SIRT3: variants seen among roughly 807,000 people sequenced by gnomAD.
SIRT3 encodes the protein NAD-dependent protein deacetylase sirtuin-3, mitochondrial.
In SIRT3, 26 loss-of-function variants were observed where a neutral mutation model predicts 33.5. The ratio of observed to expected loss-of-function variants is 0.78; its 90% confidence interval spans 0.57 to 1.08. The LOEUF is 1.08. SIRT3 is among the 50% of genes least tolerant of loss of function. The pLI is 0.00. For missense variants in SIRT3, 585 were observed against 530.1 expected, an observed-to-expected ratio of 1.10 and a Z score of -1.02; for synonymous variants, 237 against 222.1, an observed-to-expected ratio of 1.07 and a Z score of -0.60.
At chr11:230,070 G>A (rs762713636) in intron 4 of SIRT3, among the ~76,000 whole-genome samples, 5 of 152,032 alleles carry the variant, frequency 3.3e-5, no homozygotes, top group Non-Finnish European at 7.4e-5. Context: ...TCTGATTGCC[G>A]GGCGTGGTGG....
rs1264712159 is a variant in SIRT3 at position 236,219 on chromosome 11, C to G, written c.110G>C (p.Arg37Pro). Residue 37 changes from arginine (R) to proline (P), a missense_variant, in exon 1 of 7, where the codon CGG becomes CCG. Arg to Pro is a moderately radical substitution (Grantham distance 103). Coordinates refer to ENST00000382743, the MANE Select transcript of SIRT3 (RefSeq NM_012239.6). Reference protein sequence around the residue: ...GVGPFQACGCRLVLGGRDDVS... With the variant: ...GVGPFQACGCPLVLGGRDDVS... ...ATCGTCCCTGCCGCCAAGCACCAGC[C>G]GACAGCCGCAGGCCTGAAACGGCCC... The G allele has an allele frequency of 6.4e-7, 1 of 1,559,412 alleles. No homozygotes were observed. The highest frequency in any genetic ancestry group is 1.9e-5 in the Admixed American group (1 of 53,768).
At chr11:218,685 G>C (rs990165925) in intron 6 of SIRT3, 147 bp downstream of exon 6, 2 of 1,419,072 alleles carry the variant, frequency 1.4e-6, no homozygotes, top group East Asian at 4.9e-5. Flanking sequence ...CACCCAGTCA[G>C]GTCCAGGTAG....
intron 1 of SIRT3, among the ~76,000 whole-genome samples, chr11:235,300 G>A (rs1134500): frequency 0.16 from 23,745 of 151,986 alleles, 2,338 homozygotes; most frequent in Middle Eastern, 0.22. Flanking sequence ...TGAACTCCTG[G>A]ACTCAAGGGA....
intron 4 of SIRT3, among the ~76,000 whole-genome samples, chr11:225,376 C>T (rs1857036318): frequency 6.6e-6 from 1 of 152,110 alleles, no homozygotes; most frequent in Admixed American, 6.6e-5. Context: ...TGCACCACTG[C>T]ACTCCAGCCT....
chr11:216,569 T>G lies in SIRT3; in HGVS notation c.*129A>C. ...CTGAGAAGACATTCCAGTGGCAGCC[T>G]CGGGTGTCCACTCAGTTCACATATT... is the stretch of plus-strand genomic sequence containing the variant. On this transcript the variant is annotated 3_prime_UTR_variant, in exon 7 of 7. Transcript: ENST00000382743. 9.9e-7 allele frequency: 1 copy of G among 1,006,246 alleles called. No individual in the cohort carries two copies. The highest frequency in any genetic ancestry group is 1.4e-5 in the South Asian group (1 of 70,584). 62.3% of individuals were successfully genotyped at this position (1,006,246 alleles called of 1,614,324 possible).
upstream of SIRT3, chr11:236,373 G>GCGCCCCGCCCGCGC (rs767115561): frequency 0.017 from 20,579 of 1,182,416 alleles, 230 homozygotes; most frequent in Non-Finnish European, 0.02. Context: ...CCCGCCCCCG[G>GCGCCCCGCCCGCGC]CGCCCCGGCC....
chr11:217,490 C>G (rs1487306602), intron 6 of SIRT3, among the ~76,000 whole-genome samples: 1 of 152,208 alleles, frequency 6.6e-6, no homozygotes, highest in East Asian at 1.9e-4. Flanking sequence ...AAAAGGATCC[C>G]TCAAAAAAGC....
rs1283371241 is a variant in SIRT3, at chr11:233,373, A to C, written c.443T>G (p.Ile148Ser). The change falls in exon 2 of 7, where the codon ATC becomes AGC. Residue 148 changes from isoleucine to serine, a missense_variant. By Grantham distance (142) the Ile-to-Ser change is moderately radical. Transcript: ENST00000382743. ...GTCTGGAATGCCACTGGGTGTGCTG[A>C]TGCCGGCCCCCACCATGACCACCAC... Reference protein sequence around the residue: ...QRVVVMVGAGISTPSGIPDFR... With the variant: ...QRVVVMVGAGSSTPSGIPDFR... The C allele has an allele frequency of 6.2e-7, 1 of 1,613,862 alleles. No homozygotes were observed. Among genetic ancestry groups the C allele is most frequent in the East Asian group, 2.2e-5 (1 of 44,868 alleles).
chr11:234,971 G>C (rs557293394), intron 1 of SIRT3, among the ~76,000 whole-genome samples: 1 of 150,952 alleles, frequency 6.6e-6, no homozygotes, highest in Non-Finnish European at 1.5e-5. Context: ...TCTGCCTTCC[G>C]GGTTCAAGTG....
Position 216,489 on chromosome 11 carries a change from T to G in SIRT3, c.*209A>C. 1 of 592,130 alleles carries G rather than the reference T, an allele frequency of 1.7e-6. No homozygotes were observed. The allele number at this position is 592,130 out of a possible 1,614,324, so 36.7% of individuals were successfully genotyped here. On this transcript the variant is annotated 3_prime_UTR_variant, in exon 7 of 7. Transcript: ENST00000382743. ...CAGGCAGGCAGCTCCTTTGTATATG[T>G]GACGGGGTGGCCCTGACTGTAAACA... is the stretch of plus-strand genomic sequence containing the variant.
At chr11:227,510 AT>A (rs1425319746) in intron 4 of SIRT3, among the ~76,000 whole-genome samples, 3 of 152,186 alleles carry the variant, frequency 2.0e-5, no homozygotes, top group African/African-American at 4.8e-5. Flanking sequence ...AGTTTCAGAA[AT>A]TTATATGAAA....
At position 224,096 on chromosome 11, in the gene SIRT3, G is replaced by A. The variant is rs1421489991; in HGVS notation, c.951C>T (p.Ile317=). 6.2e-7 allele frequency: 1 copy of A among 1,614,066 alleles called. No individual in the cohort carries two copies. The highest frequency in any genetic ancestry group is 1.7e-5 in the Admixed American group (1 of 60,014). ...VDFPMADLLL[I]LGTSLEVEPF... is the part of the protein sequence containing the mutation. ...GACAAACCTCCAGGGAGGTCCCAAG[G>A]ATGAGCAGCAGATCTGCCATGGGGA... The change falls in exon 5 of 7, where the codon ATC becomes ATT. Residue 317 remains isoleucine, a synonymous_variant. Coordinates refer to ENST00000382743, the MANE Select transcript of SIRT3 (RefSeq NM_012239.6).
intron 4 of SIRT3, chr11:226,146 T>C (rs1372863750): frequency 6.6e-6 from 1 of 152,228 alleles, no homozygotes; most frequent in Non-Finnish European, 1.5e-5. Flanking sequence ...GAAGGAACCA[T>C]TAATCTCATC....
chr11:225,209 C>G (rs950256217), intron 4 of SIRT3, among the ~76,000 whole-genome samples: 1 of 151,968 alleles, frequency 6.6e-6, no homozygotes, highest in African/African-American at 2.4e-5. Context: ...GTCAGGAGAT[C>G]GAGACTGTCT....
Position 233,116 on chromosome 11 carries a change from G to A in SIRT3, c.573C>T (p.Pro191=), listed in dbSNP as rs138664507. ...ACAGCTCCTTGGCCAAAGTGAAAAA[G>A]GGCTTGGGGTTGTGAAAGAAGAATG... The part of the protein sequence containing the change: ...ELPFFFHNPK[P]FFTLAKELYP... The change falls in exon 3 of 7, where the codon CCC becomes CCT. Residue 191 remains proline, a synonymous_variant. Coordinates refer to ENST00000382743, the MANE Select transcript of SIRT3 (RefSeq NM_012239.6). 3.1e-6 allele frequency: 5 copies of A among 1,614,030 alleles called. No individual in the cohort carries two copies. The African/African-American group carries it at 6.7e-5, about 22-fold the overall frequency.
intron 6 of SIRT3, among the ~76,000 whole-genome samples, chr11:217,465 T>C (rs1308583305): frequency 1.3e-5 from 2 of 152,098 alleles, no homozygotes; most frequent in Admixed American, 6.6e-5. Flanking sequence ...AAAGAAAATA[T>C]GAAGTTGGAG....
At position 223,890 on chromosome 11, in the gene SIRT3, C is replaced by A; in HGVS notation, c.969+188G>T. The A allele has an allele frequency of 2.8e-6, 1 of 359,286 alleles. No individual in the cohort carries two copies. The allele number at this position is 359,286 out of a possible 1,614,324, so 22.3% of individuals were successfully genotyped here. Reference sequence around the variant, plus strand: ...GAGATGACTCCTGTACCCCTCCCTTCCCCTGCCCTCCAGCCTCCTCCCTGC... The same window carrying A: ...GAGATGACTCCTGTACCCCTCCCTTACCCTGCCCTCCAGCCTCCTCCCTGC... On this transcript the variant is annotated intron_variant, in intron 5 of 6. Coordinates refer to ENST00000382743, the MANE Select transcript of SIRT3 (RefSeq NM_012239.6). The surrounding 1 kb of genome is among the most constrained non-coding windows in gnomAD (Gnocchi z 4.8).
chr11:236,096 G>T lies in SIRT3; in HGVS notation c.233C>A (p.Ala78Glu). Residue 78 changes from alanine to glutamate, a missense_variant, in exon 1 of 7, where the codon GCA becomes GAA. Transcript: ENST00000382743. ...QRPPRPEVPR[A>E]FRRQPRAAAP... The stretch of plus-strand genomic sequence containing the variant: ...TGCTGCCCTCGGCTGCCTCCGGAAT[G>T]CCCTGGGCACCTCGGGTCTGGGAGG... 2 of 1,577,704 alleles carry T rather than the reference G, an allele frequency of 1.3e-6. No individual in the cohort carries two copies. Among genetic ancestry groups the T allele is most frequent in the South Asian group, 2.3e-5 (2 of 86,616 alleles).
At chr11:235,977 G>A in intron 1 of SIRT3, 71 bp downstream of exon 1, 1 of 1,393,366 alleles carries the variant, frequency 7.2e-7, no homozygotes, top group South Asian at 1.6e-5. Flanking sequence ...AGGAAACACG[G>A]CAAGGTGAGA....
Sources: allele counts gnomAD v4.1 joint callset (sites outside exome capture counted in the v4.1 genomes callset), GRCh38; gene constraint gnomAD v4.1.1; non-coding constraint Gnocchi (gnomAD v3.1); transcripts MANE v1.5; gene names NCBI Gene and HGNC (gene_info 2026-07-23, HGNC 2026-07-21).